The following STIM1 variants were observed in gnomAD, a reference collection of about 807,000 sequenced individuals.
The protein encoded by STIM1 is stromal interaction molecule 1.
In STIM1, 25 loss-of-function variants were observed where a neutral mutation model predicts 74.7. That is an observed-to-expected ratio of 0.33 (90% CI 0.24 to 0.47). The LOEUF (loss-of-function observed/expected upper bound fraction) is 0.47, where lower values mean the gene tolerates loss of function less well. STIM1 is among the 20% of genes least tolerant of loss of function. The pLI is 1.00. For missense variants in STIM1, 728 were observed against 920.8 expected, an observed-to-expected ratio of 0.79 and a Z score of 2.71; for synonymous variants, 328 against 348.8, an observed-to-expected ratio of 0.94 and a Z score of 0.66.
rs1274112913 is a variant in STIM1 at position 4,032,542 on chromosome 11, T to G, written c.385+8555T>G. On this transcript the variant is annotated intron_variant, in intron 3 of 12. Transcript: ENST00000526596. ...CAGGTCCTTGAATAAACCTGTCAAT[T>G]TCTACAAAAAAGCCTGGTGGGATTT... Among the ~76,000 whole-genome samples the G allele has an allele frequency of 3.3e-5, 5 of 152,304 alleles. No individual in the cohort carries two copies. In the East Asian group the frequency reaches 9.6e-4, roughly 29 times the overall value.
chr11:3,882,624 A>C (rs1434920105), intron 1 of STIM1, among the ~76,000 whole-genome samples: 1 of 152,198 alleles, frequency 6.6e-6, no homozygotes, highest in East Asian at 1.9e-4. Context: ...ATGTGTGTAC[A>C]TGTACCTGTT....
chr11:4,050,991 G>T (rs955855124), intron 3 of STIM1, among the ~76,000 whole-genome samples: 2 of 152,104 alleles, frequency 1.3e-5, no homozygotes, highest in African/African-American at 4.8e-5. Context: ...GGAGGAAGAA[G>T]AGAGATTAGT....
At chr11:4,049,755 C>CACACACACAT in intron 3 of STIM1, 1 of 145,402 alleles carries the variant, frequency 6.9e-6, no homozygotes. Flanking sequence ...CACACACACA[C>CACACACACAT]ACACACACAT....
chr11:3,892,807 G>A (rs2091937710), intron 1 of STIM1: 1 of 1,612,926 alleles, frequency 6.2e-7, no homozygotes. Flanking sequence ...TTGGAACCTT[G>A]TCTGCAAATA....
At position 3,869,270 on chromosome 11, in the gene STIM1, G is replaced by A. The variant is rs1590508845; in HGVS notation, c.139+12861G>A. 2.6e-5 allele frequency among the ~76,000 whole-genome samples: 4 copies of A among 152,290 alleles called. No homozygotes were observed. In the East Asian group the frequency reaches 7.7e-4, roughly 29 times the overall value. On this transcript the variant is annotated intron_variant, in intron 1 of 12. Transcript: ENST00000526596. Reference sequence around the variant, plus strand: ...AGGCGTGAGCCACCGCACCTGGCCTGAGTACTATTCTTTATCAGGACTGGG... The same window carrying A: ...AGGCGTGAGCCACCGCACCTGGCCTAAGTACTATTCTTTATCAGGACTGGG...
In STIM1 at chr11:4,083,514, G is replaced by A; in HGVS notation, c.1474+16G>A. On this transcript the variant is annotated intron_variant, in intron 10 of 12. Coordinates refer to ENST00000526596, the MANE Select transcript of STIM1 (RefSeq NM_001382567.1). ...TCCATGCAGTGTAGGTGACCTCTTTGCGGGGATGAAGGAAGGAGCCTTTGA... is the reference window on the plus strand; with the variant it reads ...TCCATGCAGTGTAGGTGACCTCTTTACGGGGATGAAGGAAGGAGCCTTTGA... The A allele has an allele frequency of 6.2e-7, 1 of 1,607,096 alleles. No individual in the cohort carries two copies. Among genetic ancestry groups the A allele is most frequent in the African/African-American group, 1.3e-5 (1 of 74,928 alleles).
At chr11:3,893,671 CAG>C (rs2091965833) in intron 1 of STIM1, among the ~76,000 whole-genome samples, 1 of 146,294 alleles carries the variant, frequency 6.8e-6, no homozygotes, top group Non-Finnish European at 1.5e-5. Context: ...TTTTTTGAGA[CAG>C]AGTCTCGCTC....
intron 2 of STIM1, among the ~76,000 whole-genome samples, chr11:4,022,503 C>T (rs1443385719): frequency 1.3e-5 from 2 of 151,736 alleles, no homozygotes; most frequent in Non-Finnish European, 2.9e-5. Flanking sequence ...ACTTTCATTA[C>T]TGTGTTGAAT....
At chr11:4,014,089 T>C (rs975563539) in intron 2 of STIM1, among the ~76,000 whole-genome samples, 4 of 152,172 alleles carry the variant, frequency 2.6e-5, no homozygotes, top group African/African-American at 4.8e-5. Context: ...TGTCTTCTGC[T>C]AGCTCTTGAA....
At chr11:3,927,578 TTGACTC>T (rs1233862901) in intron 1 of STIM1, among the ~76,000 whole-genome samples, 2 of 152,198 alleles carry the variant, frequency 1.3e-5, no homozygotes, top group African/African-American at 2.4e-5. Context: ...ATCATGGACT[TTGACTC>T]TGAAGAGCTG....
rs1367856839 is a variant in STIM1 at position 4,091,579 on chromosome 11, T to C, written c.1932T>C (p.Ser644=). The C allele has an allele frequency of 5.0e-6, 8 of 1,614,094 alleles. No individual in the cohort carries two copies. The Admixed American group carries it at 5.0e-5, about 10-fold the overall frequency. The change falls in exon 13 of 13, where the codon TCT becomes TCC. Residue 644 remains serine, a synonymous_variant. Coordinates refer to ENST00000526596, the MANE Select transcript of STIM1 (RefSeq NM_001382567.1). ...APPGGSPHLD[S]SRSHSPSSPD... is the part of the protein sequence containing the mutation. ...CTGGTGGCTCTCCACATTTGGATTC[T>C]TCCCGTTCTCACAGCCCCAGCTCCC...
Position 4,092,355 on chromosome 11 carries a change from A to T in STIM1, c.*557A>T, listed in dbSNP as rs2094529484. The T allele has an allele frequency of 5.9e-6, 1 of 170,678 alleles. No homozygotes were observed. Among genetic ancestry groups the T allele is most frequent in the South Asian group, 1.4e-4 (1 of 7,402 alleles). 10.6% of individuals were successfully genotyped at this position (170,678 alleles called of 1,614,324 possible). A position where few individuals can be genotyped will look rare whatever the true frequency, so the allele number is the denominator to read the frequency against. ...ATTGATGTGGGTCAGAAGGAGCCTC[A>T]TCCTAATCTCACTCAGGCCTCCAGG... On this transcript the variant is annotated 3_prime_UTR_variant, in exon 13 of 13. Transcript: ENST00000526596.
chr11:4,088,941 C>A, intron 12 of STIM1: 1 of 551,442 alleles, frequency 1.8e-6, no homozygotes, highest in Non-Finnish European at 3.3e-6. Flanking sequence ...CATAGAAGGA[C>A]AGGAATCAGG....
intron 1 of STIM1, among the ~76,000 whole-genome samples, chr11:3,934,367 C>G (rs1217768955): frequency 4.6e-5 from 7 of 152,118 alleles, no homozygotes; most frequent in Non-Finnish European, 8.8e-5. Context: ...TTTTTCATAT[C>G]TTGAGTCTTT....
intron 1 of STIM1, among the ~76,000 whole-genome samples, chr11:3,933,450 G>A (rs1378827435): frequency 6.6e-6 from 1 of 152,212 alleles, no homozygotes; most frequent in Non-Finnish European, 1.5e-5. Flanking sequence ...CAAGTAAGTA[G>A]TGGTTTGGGG....
At chr11:3,936,544 A>G (rs897255142) in intron 1 of STIM1, among the ~76,000 whole-genome samples, 2 of 152,200 alleles carry the variant, frequency 1.3e-5, no homozygotes, top group African/African-American at 4.8e-5. Context: ...AGAGAGTCTT[A>G]TAATAAGGTT....
At chr11:3,856,742 G>T (rs1487241117) in intron 1 of STIM1, among the ~76,000 whole-genome samples, 1 of 152,212 alleles carries the variant, frequency 6.6e-6, no homozygotes, top group East Asian at 1.9e-4. Context: ...CTGGTGAGAT[G>T]ATAAGTTCAT....
intron 2 of STIM1, among the ~76,000 whole-genome samples, chr11:4,001,915 A>T (rs1322535333): frequency 2.2e-5 from 3 of 137,076 alleles, no homozygotes; most frequent in African/African-American, 8.3e-5. Context: ...ATGGAAAACA[A>T]AAAAAGGCAG....
At chr11:3,873,082 A>T (rs1376245055) in intron 1 of STIM1, among the ~76,000 whole-genome samples, 1 of 151,790 alleles carries the variant, frequency 6.6e-6, no homozygotes, top group Non-Finnish European at 1.5e-5. Flanking sequence ...CCAAGCTGGG[A>T]CTATACGCAG....
Sources: gnomAD v4.1 joint callset for allele counts (sites outside exome capture counted in the v4.1 genomes callset) on GRCh38, gnomAD v4.1.1 for gene constraint, MANE v1.5 for transcripts, NCBI Gene and HGNC (gene_info 2026-07-23, HGNC 2026-07-21) for gene names.